The following ATXN1 variants were observed in gnomAD, a reference collection of about 807,000 sequenced individuals.
ATXN1 encodes ataxin 1.
ATXN1 carries 8 observed loss-of-function variants against 56.4 expected under a neutral mutation model. That is an observed-to-expected ratio of 0.14 (90% CI 0.08 to 0.26). The LOEUF (loss-of-function observed/expected upper bound fraction) is 0.26. Ranked by LOEUF, ATXN1 falls within the 10% of genes least tolerant of loss-of-function variation. ATXN1 has a pLI of 1.00. For missense variants in ATXN1, 987 were observed against 1,106.5 expected (o/e 0.89, Z 1.53); for synonymous variants, 514 against 494.6 (o/e 1.04, Z -0.52).
Position 16,328,654 on chromosome 6 carries a change from A to G in ATXN1, c.-160-184T>C, listed in dbSNP as rs1342871861. On this transcript the variant is annotated intron_variant, in intron 6 of 7. Transcript: ENST00000436367. The surrounding 1 kb of genome is among the most constrained non-coding windows in gnomAD (Gnocchi z 6.2). ...CCCCAAGCACTGAAGCAGAGAAAACACTAGCCAACACTTTGGGAGGCCGAG... is the reference window on the plus strand; with the variant it reads ...CCCCAAGCACTGAAGCAGAGAAAACGCTAGCCAACACTTTGGGAGGCCGAG... 6.6e-6 allele frequency among the ~76,000 whole-genome samples: 1 copy of G among 152,172 alleles called. No individual in the cohort carries two copies.
At chr6:16,644,140 G>A (rs79456110) in intron 3 of ATXN1, among the ~76,000 whole-genome samples, 15,836 of 152,102 alleles carry the variant, frequency 0.1, 1,764 homozygotes, top group African/African-American at 0.28. Flanking sequence ...GCTTCTGTTC[G>A]GGATGATGAA....
rs755018322 is a variant in ATXN1, at chr6:16,306,142, C to T, written c.*187G>A. On this transcript the variant is annotated 3_prime_UTR_variant, in exon 8 of 8. Coordinates refer to ENST00000436367, the MANE Select transcript of ATXN1 (RefSeq NM_001128164.2). The surrounding 1 kb of genome is among the most constrained non-coding windows in gnomAD (Gnocchi z 5.2). Reference sequence around the variant, plus strand: ...TTCCTCCCGCCCGCTCACTGACAGACACTCGTGGAAAAAGCATATGCACCA... The same window carrying T: ...TTCCTCCCGCCCGCTCACTGACAGATACTCGTGGAAAAAGCATATGCACCA... The T allele has an allele frequency of 1.5e-6, 1 of 680,404 alleles. No individual in the cohort carries two copies. The highest frequency in any genetic ancestry group is 2.3e-6 in the Non-Finnish European group (1 of 430,950). 42.1% of individuals were successfully genotyped at this position (680,404 alleles called of 1,614,324 possible). A position where few individuals can be genotyped will look rare whatever the true frequency, so the allele number is the denominator to read the frequency against.
intron 2 of ATXN1, among the ~76,000 whole-genome samples, chr6:16,701,389 A>G (rs2113437414): frequency 6.6e-6 from 1 of 152,308 alleles, no homozygotes; most frequent in Non-Finnish European, 1.5e-5. Context: ...AGAGAAGGGG[A>G]GAAGGAGTAG....
intron 5 of ATXN1, among the ~76,000 whole-genome samples, chr6:16,493,454 T>G (rs1387797159): frequency 1.3e-5 from 2 of 152,078 alleles, no homozygotes; most frequent in Middle Eastern, 3.4e-3. Context: ...AAGTTTTTTT[T>G]TTTTTTTTTT....
At position 16,301,332 on chromosome 6, in the gene ATXN1, C is replaced by G. The variant is rs114512287; in HGVS notation, c.*4997G>C. The G allele has an allele frequency of 9.2e-5, 14 of 152,448 alleles. No homozygotes were observed. The highest frequency in any genetic ancestry group is 9.2e-4 in the Admixed American group (14 of 15,256). The allele number at this position is 152,448 out of a possible 1,614,324, so 9.4% of individuals were successfully genotyped here. A position where few individuals can be genotyped will look rare whatever the true frequency, so the allele number is the denominator to read the frequency against. On this transcript the variant is annotated 3_prime_UTR_variant, in exon 8 of 8. Transcript: ENST00000436367. Reference sequence around the variant, plus strand: ...AAAGATCCTATCATCAGTAAGGTAACGTATTTGAAGCGAGGTCATCTATGT... The same window carrying G: ...AAAGATCCTATCATCAGTAAGGTAAGGTATTTGAAGCGAGGTCATCTATGT...
At chr6:16,469,270 C>G (rs1000599961) in intron 6 of ATXN1, among the ~76,000 whole-genome samples, 3 of 152,014 alleles carry the variant, frequency 2.0e-5, no homozygotes, top group African/African-American at 7.3e-5. Context: ...TCAGGAGAAG[C>G]AAAAATATAA....
intron 6 of ATXN1, among the ~76,000 whole-genome samples, chr6:16,480,944 G>A (rs1160610318): frequency 6.6e-6 from 1 of 152,122 alleles, no homozygotes; most frequent in East Asian, 1.9e-4. Flanking sequence ...CTTAGAAGCA[G>A]TGACTCCTGC....
intron 3 of ATXN1, among the ~76,000 whole-genome samples, chr6:16,618,402 C>T (rs1346734080): frequency 1.3e-5 from 2 of 152,164 alleles, no homozygotes; most frequent in Admixed American, 6.5e-5. Context: ...AAGTTCTGCA[C>T]GTGTATCCCA....
chr6:16,483,220 A>G (rs574157517), intron 6 of ATXN1, among the ~76,000 whole-genome samples: 1 of 152,182 alleles, frequency 6.6e-6, no homozygotes, highest in East Asian at 1.9e-4. Context: ...AGAGGCAGTT[A>G]ATGGGACATG....
At chr6:16,620,484 C>T (rs1021196178) in intron 3 of ATXN1, among the ~76,000 whole-genome samples, 9 of 152,248 alleles carry the variant, frequency 5.9e-5, no homozygotes, top group African/African-American at 1.4e-4. Context: ...CTCTCTCTCA[C>T]ACACACATAC....
intron 2 of ATXN1, among the ~76,000 whole-genome samples, chr6:16,668,878 A>G (rs543848180): frequency 2.0e-5 from 3 of 151,970 alleles, no homozygotes; most frequent in Non-Finnish European, 4.4e-5. Context: ...GGCCTCAAGC[A>G]ATCCTCCCAC....
chr6:16,402,524 A>G (rs1758599182), intron 6 of ATXN1, among the ~76,000 whole-genome samples: 1 of 152,134 alleles, frequency 6.6e-6, no homozygotes, highest in African/African-American at 2.4e-5. Context: ...GAACAACAGA[A>G]GAGGAGAGAC....
chr6:16,689,772 G>A (rs765603410), intron 2 of ATXN1, among the ~76,000 whole-genome samples: 4 of 151,890 alleles, frequency 2.6e-5, no homozygotes, highest in African/African-American at 4.8e-5. Context: ...ATTTAAAAAC[G>A]TATTCTTTTA....
At chr6:16,373,927 T>C (rs988937264) in intron 6 of ATXN1, among the ~76,000 whole-genome samples, 1 of 152,194 alleles carries the variant, frequency 6.6e-6, no homozygotes, top group Admixed American at 6.5e-5. Flanking sequence ...ATGAACTCTG[T>C]AATGCTTTTC....
At chr6:16,567,497 G>A (rs961246503) in intron 4 of ATXN1, among the ~76,000 whole-genome samples, 5 of 152,086 alleles carry the variant, frequency 3.3e-5, no homozygotes, top group African/African-American at 1.2e-4. Flanking sequence ...GTGTGAGGGG[G>A]GAACAAAGTA....
rs190804187 is a variant in ATXN1 at position 16,477,575 on chromosome 6, A to G, written c.-161+8397T>C. Among the ~76,000 whole-genome samples the G allele has an allele frequency of 3.1e-3, 469 of 152,332 alleles. 2 individuals carry two copies. The highest frequency in any genetic ancestry group is 0.01 in the African/African-American group (416 of 41,572). ...GACCTGTCAACAGGAAAAGGGGCCA[A>G]GAGGGACTGTCATGGTGTTTCCCTT... On this transcript the variant is annotated intron_variant, in intron 6 of 7. Coordinates refer to ENST00000436367, the MANE Select transcript of ATXN1 (RefSeq NM_001128164.2).
intron 4 of ATXN1, among the ~76,000 whole-genome samples, chr6:16,530,998 C>T (rs768790678): frequency 6.6e-6 from 1 of 152,220 alleles, no homozygotes; most frequent in Non-Finnish European, 1.5e-5. Context: ...AGTCCTCTAA[C>T]AGCTAGCATA....
chr6:16,428,270 C>T (rs1759201306), intron 6 of ATXN1, among the ~76,000 whole-genome samples: 1 of 151,942 alleles, frequency 6.6e-6, no homozygotes, highest in African/African-American at 2.4e-5. Flanking sequence ...AGGCGCTCAC[C>T]ACCATGCCCA....
chr6:16,717,333 A>C (rs1254519889), intron 2 of ATXN1, among the ~76,000 whole-genome samples: 1 of 152,218 alleles, frequency 6.6e-6, no homozygotes, highest in African/African-American at 2.4e-5. Flanking sequence ...TCCTGGTCCC[A>C]CTAGAAAAGC....
Sources: allele counts gnomAD v4.1 joint callset (sites outside exome capture counted in the v4.1 genomes callset), GRCh38; gene constraint gnomAD v4.1.1; non-coding constraint Gnocchi (gnomAD v3.1); transcripts MANE v1.5; gene names NCBI Gene and HGNC (gene_info 2026-07-23, HGNC 2026-07-21).